NDST3: variants seen among roughly 807,000 people sequenced by gnomAD.
NDST3 encodes N-deacetylase and N-sulfotransferase 3, also known as bifunctional heparan sulfate N-deacetylase/N-sulfotransferase 3.
In NDST3, 58 loss-of-function variants were observed where a neutral mutation model predicts 96.1. The ratio of observed to expected loss-of-function variants is 0.60; its 90% CI spans 0.49 to 0.75. The LOEUF is 0.75. Ranked by LOEUF, NDST3 falls within the 30% of genes least tolerant of loss-of-function variation. The pLI, the probability that NDST3 is intolerant of heterozygous loss-of-function variation, is 0.00. For synonymous variants in NDST3, 333 were observed against 359.7 expected, an observed-to-expected ratio of 0.93 and a Z score of 0.84; for missense variants, 788 against 1,034.2, an observed-to-expected ratio of 0.76 and a Z score of 3.27.
At chr4:118,193,709 T>TTG in intron 6 of NDST3, 3 of 1,288,880 alleles carry the variant, frequency 2.3e-6, no homozygotes, top group Non-Finnish European at 3.4e-6. Context: ...CTCTCCCCAA[T>TTG]GGAAGAGGCC....
Position 118,086,665 on chromosome 4 carries a change from C to T in NDST3, c.982-18353C>T, listed in dbSNP as rs76977886. 9.1e-3 allele frequency among the ~76,000 whole-genome samples: 1,388 copies of T among 152,180 alleles called. 14 individuals carry two copies. Among genetic ancestry groups the T allele is most frequent in the African/African-American group, 0.031 (1,308 of 41,524 alleles). On this transcript the variant is annotated intron_variant, in intron 2 of 13. Transcript: ENST00000296499. ...AATAGAGCACTTTAGGACCTTAACT[C>T]GCAGGACATCAGGCCTTAATCTACA...
intron 6 of NDST3, among the ~76,000 whole-genome samples, chr4:118,211,115 G>A (rs1171054746): frequency 6.6e-6 from 1 of 152,154 alleles, no homozygotes; most frequent in Non-Finnish European, 1.5e-5. Context: ...TCAGGAGGAT[G>A]AGAGGAGCAG....
chr4:118,114,714 C>T lies in NDST3; in HGVS notation c.1070-92C>T. On this transcript the variant is annotated intron_variant, in intron 3 of 13. Transcript: ENST00000296499. Reference sequence around the variant, plus strand: ...CAGAATAAATGATGGCTTCTAAATACATATACGAGAAAAGATTAAATAGAT... The same window carrying T: ...CAGAATAAATGATGGCTTCTAAATATATATACGAGAAAAGATTAAATAGAT... 1.5e-6 allele frequency: 2 copies of T among 1,339,142 alleles called. 1 individual carries two copies. Among genetic ancestry groups the T allele is most frequent in the South Asian group, 2.8e-5 (2 of 71,818 alleles). 83.0% of individuals were successfully genotyped at this position (1,339,142 alleles called of 1,614,324 possible). A position where few individuals can be genotyped will look rare whatever the true frequency, so the allele number is the denominator to read the frequency against.
At chr4:118,248,045 T>C (rs776699872) in intron 12 of NDST3, among the ~76,000 whole-genome samples, 28 of 152,164 alleles carry the variant, frequency 1.8e-4, no homozygotes, top group Admixed American at 3.9e-4. Flanking sequence ...AATAAAGTCA[T>C]GTTTTCATTA....
chr4:118,072,423 C>G (rs555841433), intron 2 of NDST3, among the ~76,000 whole-genome samples: 1 of 152,106 alleles, frequency 6.6e-6, no homozygotes, highest in South Asian at 2.1e-4. Context: ...TTGTACAACT[C>G]TCCTTGTAGA....
At chr4:118,155,072 T>C (rs1051057246) in intron 6 of NDST3, among the ~76,000 whole-genome samples, 4 of 152,234 alleles carry the variant, frequency 2.6e-5, no homozygotes, top group Admixed American at 6.5e-5. Context: ...TCTTAATACA[T>C]TGTATTGATA....
At chr4:118,111,641 A>G (rs1249067963) in intron 3 of NDST3, among the ~76,000 whole-genome samples, 2 of 150,398 alleles carry the variant, frequency 1.3e-5, no homozygotes, top group East Asian at 3.9e-4. Context: ...GGTTAACGCC[A>G]TTCTCCTGCC....
At chr4:118,191,369 T>G (rs1737291256) in intron 6 of NDST3, among the ~76,000 whole-genome samples, 1 of 152,214 alleles carries the variant, frequency 6.6e-6, no homozygotes, top group Non-Finnish European at 1.5e-5. Context: ...GAATTTCTTT[T>G]ACAAAAGGGT....
At chr4:118,122,686 G>T (rs1355598268) in intron 4 of NDST3, among the ~76,000 whole-genome samples, 1 of 152,078 alleles carries the variant, frequency 6.6e-6, no homozygotes, top group Non-Finnish European at 1.5e-5. Flanking sequence ...CTGTGACTCT[G>T]TTTCCGCTGC....
chr4:118,226,963 A>G lies in NDST3; in HGVS notation c.1800A>G (p.Val600=), dbSNP rs760394353. Residue 600 remains valine (V), a synonymous_variant, in exon 8 of 14, where the codon GTA becomes GTG. Coordinates refer to ENST00000296499, the MANE Select transcript of NDST3 (RefSeq NM_004784.3). ...GTGATCGCTTACCAAAATTCTTGGTAATAGGACCCCAGAAAACTGGTGAGA... is the reference window on the plus strand; with the variant it reads ...GTGATCGCTTACCAAAATTCTTGGTGATAGGACCCCAGAAAACTGGTGAGA... ...KTCDRLPKFL[V]IGPQKTGTTA... 4 of 1,612,508 alleles carry G rather than the reference A, an allele frequency of 2.5e-6. No individual in the cohort carries two copies. The African/African-American group carries it at 4.0e-5, about 16-fold the overall frequency.
Position 118,245,836 on chromosome 4 carries a change from T to A in NDST3, c.2399+3687T>A, listed in dbSNP as rs146374483. Among the ~76,000 whole-genome samples the A allele has an allele frequency of 2.4e-3, 368 of 152,196 alleles. 1 individual carries two copies. Among genetic ancestry groups the A allele is most frequent in the African/African-American group, 8.4e-3 (347 of 41,534 alleles). On this transcript the variant is annotated intron_variant, in intron 12 of 13. Transcript: ENST00000296499. ...AATGTGATACGTACAATTAGCTCCA[T>A]TTTTTCAGATTAAAAAAAACTGGGG...
At chr4:118,189,998 A>C (rs1737200893) in intron 6 of NDST3, among the ~76,000 whole-genome samples, 1 of 152,034 alleles carries the variant, frequency 6.6e-6, no homozygotes, top group Non-Finnish European at 1.5e-5. Context: ...CTTCAATTTG[A>C]AATGTTTAAA....
chr4:118,188,255 T>A (rs780638997), intron 6 of NDST3, among the ~76,000 whole-genome samples: 47 of 149,492 alleles, frequency 3.1e-4, no homozygotes, highest in Middle Eastern at 3.6e-3. Flanking sequence ...TTTAGGACAG[T>A]TACACCACCT....
intron 6 of NDST3, among the ~76,000 whole-genome samples, chr4:118,173,154 GTA>G (rs746500835): frequency 6.2e-4 from 71 of 114,596 alleles, no homozygotes; most frequent in East Asian, 2.9e-3. Context: ...GTGTGTGTGT[GTA>G]TATATATATA....
At chr4:118,218,208 C>T (rs1359900361) in intron 6 of NDST3, among the ~76,000 whole-genome samples, 1 of 152,038 alleles carries the variant, frequency 6.6e-6, no homozygotes, top group African/African-American at 2.4e-5. Context: ...CAGCATCATC[C>T]CGATACCAAA....
In NDST3 at chr4:118,054,137, C is replaced by T. The variant is rs757907516; in HGVS notation, c.227C>T (p.Thr76Ile). The change falls in exon 2 of 14, where the codon ACA becomes ATA. Residue 76 changes from threonine (T) to isoleucine (I), a missense_variant. Physicochemically the swap from Thr to Ile is moderately conservative, Grantham distance 89. Around this residue, in one of 3 missense-constraint regions of NDST3, gnomAD observed 234 missense variants for 256.9 expected, o/e 0.91. Coordinates refer to ENST00000296499, the MANE Select transcript of NDST3 (RefSeq NM_004784.3). ...KAMKLFDASR[T>I]DPTVLVFVES... The stretch of plus-strand genomic sequence containing the variant: ...ATGAAGCTTTTTGATGCCTCAAGGA[C>T]AGACCCCACAGTCCTAGTATTTGTA... 6.2e-7 allele frequency: 1 copy of T among 1,612,948 alleles called. No individual in the cohort carries two copies. The highest frequency in any genetic ancestry group is 1.3e-5 in the African/African-American group (1 of 74,914).
intron 13 of NDST3, among the ~76,000 whole-genome samples, chr4:118,254,913 A>C (rs1742019789): frequency 6.6e-6 from 1 of 152,176 alleles, no homozygotes; most frequent in Admixed American, 6.5e-5. Flanking sequence ...TGATAAACAA[A>C]CTGCATTTTC....
intron 6 of NDST3, among the ~76,000 whole-genome samples, chr4:118,205,564 A>C (rs1738382837): frequency 6.9e-6 from 1 of 144,422 alleles, no homozygotes; most frequent in Non-Finnish European, 1.5e-5. Flanking sequence ...TCAGCTTTTC[A>C]TAGGTGTTTA....
intron 6 of NDST3, among the ~76,000 whole-genome samples, chr4:118,216,570 G>T (rs1019726283): frequency 3.3e-5 from 5 of 152,046 alleles, no homozygotes; most frequent in African/African-American, 1.2e-4. Flanking sequence ...AGACTGTAGA[G>T]CCAGTAGGTG....
Sources: allele counts gnomAD v4.1 joint callset (sites outside exome capture counted in the v4.1 genomes callset), GRCh38; gene constraint gnomAD v4.1.1; regional missense constraint gnomAD v4.1.1; transcripts MANE v1.5; gene names NCBI Gene and HGNC (gene_info 2026-07-23, HGNC 2026-07-21).